ADD3: variants seen among roughly 807,000 people sequenced by gnomAD.
ADD3 encodes the protein gamma-adducin.
In ADD3, 25 loss-of-function variants were observed where a neutral mutation model predicts 80.2. The observed-to-expected ratio is 0.31, with a 90% confidence interval of 0.23 to 0.44. The LOEUF (loss-of-function observed/expected upper bound fraction) is 0.44, where lower values mean the gene tolerates loss of function less well. Ranked by LOEUF, ADD3 falls within the 20% of genes least tolerant of loss-of-function variation. The pLI, the probability that ADD3 is intolerant of heterozygous loss-of-function variation, is 1.00. For synonymous variants in ADD3, 284 were observed against 289.6 expected (o/e 0.98, Z 0.20); for missense variants, 829 against 847.5 (o/e 0.98, Z 0.27).
chr10:110,063,760 T>TTC (rs1843540749), intron 1 of ADD3, among the ~76,000 whole-genome samples: 2 of 71,304 alleles, frequency 2.8e-5, no homozygotes, highest in Non-Finnish European at 6.3e-5. Context: ...TATATATATA[T>TTC]ATATATATAT....
At chr10:110,058,762 TATG>T (rs1392299235) in intron 1 of ADD3, among the ~76,000 whole-genome samples, 2 of 152,258 alleles carry the variant, frequency 1.3e-5, no homozygotes, top group Non-Finnish European at 2.9e-5. Context: ...TCATTTGGAA[TATG>T]ATCTGCTGAT....
chr10:110,095,644 C>T (rs1160659180), intron 1 of ADD3, among the ~76,000 whole-genome samples: 1 of 152,098 alleles, frequency 6.6e-6, no homozygotes, highest in African/African-American at 2.4e-5. Context: ...TGGGTTGTTT[C>T]TACTTTTTCC....
chr10:110,088,055 G>A (rs1847023391), intron 1 of ADD3, among the ~76,000 whole-genome samples: 1 of 152,024 alleles, frequency 6.6e-6, no homozygotes, highest in African/African-American at 2.4e-5. Flanking sequence ...CTTCCTTTGT[G>A]TCTTTTTTGT....
chr10:110,125,846 A>G lies in ADD3; in HGVS notation c.1422A>G (p.Ser474=). The G allele has an allele frequency of 6.2e-7, 1 of 1,605,628 alleles. No homozygotes were observed. Among genetic ancestry groups the G allele is most frequent in the Non-Finnish European group, 8.5e-7 (1 of 1,174,686 alleles). The change falls in exon 11 of 15, where the codon TCA becomes TCG. Residue 474 remains serine (S), a synonymous_variant. Transcript: ENST00000356080. ...TTTAGTGGATGAAAGCAGAAGACTC[A>G]TCTAAAGTTAGTGGTGGAACACCTA... The part of the protein sequence containing the change: ...TKITWMKAED[S]SKVSGGTPIK...
At chr10:110,069,470 C>T (rs956696022) in intron 1 of ADD3, among the ~76,000 whole-genome samples, 1 of 152,164 alleles carries the variant, frequency 6.6e-6, no homozygotes, top group African/African-American at 2.4e-5. Context: ...TAACCTTTCT[C>T]ATATATCAAC....
intron 1 of ADD3, among the ~76,000 whole-genome samples, chr10:110,015,160 T>C (rs949383473): frequency 1.3e-5 from 2 of 152,214 alleles, no homozygotes; most frequent in Non-Finnish European, 2.9e-5. Flanking sequence ...GAGATTGCAC[T>C]AAAAGGAATT....
In ADD3 at chr10:110,100,774, A is replaced by G. The variant is rs761201144; in HGVS notation, c.121A>G (p.Met41Val). The part of the protein sequence containing the change: ...NDPEYIRERN[M>V]SPDLRQDFNM... ...CCCAGAATACATTAGGGAGAGGAAC[A>G]TGTCTCCTGATCTACGACAAGACTT... Residue 41 changes from methionine (M) to valine (V), a missense_variant, in exon 2 of 15, where the codon ATG (methionine) becomes GTG (valine). Coordinates refer to ENST00000356080, the MANE Select transcript of ADD3 (RefSeq NM_016824.5). 7 of 1,613,792 alleles carry G rather than the reference A, an allele frequency of 4.3e-6. No individual in the cohort carries two copies. The Admixed American group carries it at 6.7e-5, about 15-fold the overall frequency.
Position 110,124,035 on chromosome 10 carries a change from G to C in ADD3, c.1162G>C (p.Ala388Pro), listed in dbSNP as rs529703729. Residue 388 changes from alanine (A) to proline (P), a missense_variant, in exon 10 of 15, where the codon GCT (alanine) becomes CCT (proline). Transcript: ENST00000356080. Reference sequence around the variant, plus strand: ...CCCTTAGGGGTATAGAACAGGCTATGCTTACAGGCATCCTCTCATTCGAGA... The same window carrying C: ...CCCTTAGGGGTATAGAACAGGCTATCCTTACAGGCATCCTCTCATTCGAGA... ...LDNLGYRTGY[A>P]YRHPLIREKP... 6.8e-6 allele frequency: 11 copies of C among 1,614,174 alleles called. No homozygotes were observed. In the African/African-American group the frequency reaches 9.3e-5, roughly 14 times the overall value.
At chr10:110,122,470 G>A (rs563483154) in intron 9 of ADD3, among the ~76,000 whole-genome samples, 178 bp downstream of exon 9, 1 of 148,458 alleles carries the variant, frequency 6.7e-6, no homozygotes, top group African/African-American at 2.5e-5. Context: ...CAAATGTCGT[G>A]TTTTTTTTTT....
At chr10:110,111,734 A>G (rs10884927) in intron 2 of ADD3, among the ~76,000 whole-genome samples, 20,041 of 152,042 alleles carry the variant, frequency 0.13, 4,249 homozygotes, top group African/African-American at 0.45. Flanking sequence ...TGACCAACAT[A>G]GAGAAACCCT....
chr10:110,063,670 A>G (rs1438140879), intron 1 of ADD3, among the ~76,000 whole-genome samples: 1 of 143,912 alleles, frequency 6.9e-6, no homozygotes, highest in Non-Finnish European at 1.5e-5. Context: ...ATGCAAGTTT[A>G]ACATATATAT....
At position 110,113,013 on chromosome 10, in the gene ADD3, A is replaced by T. The variant is rs536093988; in HGVS notation, c.334+98A>T. Reference sequence around the variant, plus strand: ...CATATTCTGCTCGGGTTCAGTCCTTAAGTTTATAACATCTAATACTTAGAG... The same window carrying T: ...CATATTCTGCTCGGGTTCAGTCCTTTAGTTTATAACATCTAATACTTAGAG... On this transcript the variant is annotated intron_variant, in intron 3 of 14. Coordinates refer to ENST00000356080, the MANE Select transcript of ADD3 (RefSeq NM_016824.5). The T allele has an allele frequency of 1.5e-4, 201 of 1,317,798 alleles. 1 individual carries two copies. The African/African-American group carries it at 2.8e-3, about 19-fold the overall frequency. The allele number at this position is 1,317,798 out of a possible 1,614,324, so 81.6% of individuals were successfully genotyped here.
chr10:110,129,509 C>T (rs899660237), intron 12 of ADD3, among the ~76,000 whole-genome samples: 5 of 152,136 alleles, frequency 3.3e-5, no homozygotes, highest in African/African-American at 1.2e-4. Flanking sequence ...AAATGCTTGG[C>T]TCTGTGGAAT....
At chr10:110,036,371 G>A (rs574944455) in intron 1 of ADD3, among the ~76,000 whole-genome samples, 128 of 142,086 alleles carry the variant, frequency 9.0e-4, no homozygotes, top group African/African-American at 3.3e-3. Flanking sequence ...AGTTTAGAAA[G>A]TGTCTTTTTT....
chr10:110,031,431 A>C (rs893491257), intron 1 of ADD3, among the ~76,000 whole-genome samples: 1 of 152,236 alleles, frequency 6.6e-6, no homozygotes, highest in Non-Finnish European at 1.5e-5. Flanking sequence ...ATTCAGATAC[A>C]TTGTGACTTT....
rs1333638037 is a variant in ADD3 at position 110,079,455 on chromosome 10, AGAGAGAGTGTGTGT to A, written c.-29-21168_-29-21155del. Among the ~76,000 whole-genome samples the A allele has an allele frequency of 3.1e-4, 39 of 125,568 alleles. 1 individual carries two copies. Among genetic ancestry groups the A allele is most frequent in the Admixed American group, 3.2e-4 (4 of 12,392 alleles). 82.4% of individuals were successfully genotyped at this position (125,568 alleles called of 152,430 possible). ...GAGAGAGAGAGAGAGAGAGAGAGAG[AGAGAGAGTGTGTGT>A]GTGTGTGTGTGTGTGTGTGTGTGTG... On this transcript the variant is annotated intron_variant, in intron 1 of 14. Transcript: ENST00000356080.
At chr10:110,043,984 G>A (rs750817115) in intron 1 of ADD3, among the ~76,000 whole-genome samples, 5 of 152,106 alleles carry the variant, frequency 3.3e-5, no homozygotes, top group African/African-American at 7.2e-5. Context: ...TGAGGTGGGC[G>A]GATCACGAGG....
chr10:110,125,149 A>C (rs1851986862), intron 10 of ADD3, among the ~76,000 whole-genome samples: 1 of 152,196 alleles, frequency 6.6e-6, no homozygotes, highest in Non-Finnish European at 1.5e-5. Context: ...GCCTCCCAGT[A>C]AAAGAACATA....
intron 1 of ADD3, among the ~76,000 whole-genome samples, chr10:110,039,811 C>T (rs1294890469): frequency 1.3e-5 from 2 of 152,160 alleles, no homozygotes; most frequent in African/African-American, 2.4e-5. Flanking sequence ...CCTCTAACTT[C>T]GCTCTTGGTT....
Sources: allele counts gnomAD v4.1 joint callset (sites outside exome capture counted in the v4.1 genomes callset), GRCh38; gene constraint gnomAD v4.1.1; transcripts MANE v1.5; gene names NCBI Gene and HGNC (gene_info 2026-07-23, HGNC 2026-07-21).